The following DCC variants were observed in gnomAD, a reference collection of about 807,000 sequenced individuals.
DCC encodes netrin receptor DCC.
DCC carries 58 observed loss-of-function variants against 172.5 expected under a neutral mutation model. That is an observed-to-expected ratio of 0.34 (90% CI 0.27 to 0.42). DCC has a LOEUF of 0.42. DCC is among the 10% of genes least tolerant of loss of function. The pLI is 1.00. For synonymous variants in DCC, 709 were observed against 644.5 expected, an observed-to-expected ratio of 1.10 and a Z score of -1.52; for missense variants, 1,740 against 1,791.0, an observed-to-expected ratio of 0.97 and a Z score of 0.51.
chr18:52,353,370 C>T (rs1405915989), intron 1 of DCC, among the ~76,000 whole-genome samples: 2 of 152,096 alleles, frequency 1.3e-5, no homozygotes, highest in Admixed American at 6.5e-5. Context: ...TAAAAATGCT[C>T]AGACCCAGGG....
At chr18:52,855,395 G>A (rs1259698091) in intron 2 of DCC, among the ~76,000 whole-genome samples, 4 of 152,120 alleles carry the variant, frequency 2.6e-5, no homozygotes, top group African/African-American at 4.8e-5. Flanking sequence ...TAAACAAAAC[G>A]TCTTAGGTTT....
chr18:52,434,564 A>C (rs1393735381), intron 1 of DCC, among the ~76,000 whole-genome samples: 1 of 152,166 alleles, frequency 6.6e-6, no homozygotes, highest in East Asian at 1.9e-4. Context: ...TATTTTTGGT[A>C]ATTAAATTTG....
intron 5 of DCC, among the ~76,000 whole-genome samples, chr18:52,933,568 C>T (rs2040339137): frequency 1.3e-5 from 2 of 151,998 alleles, no homozygotes; most frequent in Non-Finnish European, 2.9e-5. Context: ...GAATCTGATG[C>T]TGGATGGGAG....
At chr18:53,277,269 A>G (rs2056816665) in intron 12 of DCC, among the ~76,000 whole-genome samples, 1 of 152,162 alleles carries the variant, frequency 6.6e-6, no homozygotes, top group African/African-American at 2.4e-5. Flanking sequence ...CAGGAGTTCA[A>G]GACCAACCTG....
At chr18:52,381,811 C>T in intron 1 of DCC, among the ~76,000 whole-genome samples, 1 of 152,112 alleles carries the variant, frequency 6.6e-6, no homozygotes, top group East Asian at 1.9e-4. Flanking sequence ...AATTATTGAT[C>T]CTACTCTCAT....
chr18:53,479,001 G>A (rs2045800898), intron 25 of DCC, among the ~76,000 whole-genome samples: 1 of 152,072 alleles, frequency 6.6e-6, no homozygotes, highest in African/African-American at 2.4e-5. Context: ...TCTGAGACTG[G>A]GCATTTATTC....
intron 2 of DCC, among the ~76,000 whole-genome samples, chr18:52,900,366 A>G (rs2039793271): frequency 6.6e-6 from 1 of 152,214 alleles, no homozygotes. Flanking sequence ...TTAGTGTTAC[A>G]GAACAATGGA....
Position 52,505,914 on chromosome 18 carries a change from T to TA in DCC, c.91+165042dup, listed in dbSNP as rs917358851. Among the ~76,000 whole-genome samples the TA allele has an allele frequency of 3.9e-5, 6 of 152,294 alleles. No homozygotes were observed. In the East Asian group the frequency reaches 9.6e-4, roughly 24 times the overall value. On this transcript the variant is annotated intron_variant, in intron 1 of 28. Coordinates refer to ENST00000442544, the MANE Select transcript of DCC (RefSeq NM_005215.4). ...ACTTGTTAGTGCATATCAGTTGTGC[T>TA]AAAAAAGGTCGTTTATAAAAATCTG...
intron 1 of DCC, among the ~76,000 whole-genome samples, chr18:52,431,989 C>T (rs1244354525): frequency 6.6e-6 from 1 of 152,144 alleles, no homozygotes. Context: ...TCGGAAATGT[C>T]AGAACTCCCT....
intron 15 of DCC, among the ~76,000 whole-genome samples, chr18:53,348,201 G>A (rs182649479): frequency 2.0e-5 from 3 of 152,214 alleles, no homozygotes; most frequent in Admixed American, 6.5e-5. Context: ...ACAATGCAGG[G>A]ACAGACATCG....
chr18:52,395,559 T>A (rs1486215247), intron 1 of DCC, among the ~76,000 whole-genome samples: 5 of 152,020 alleles, frequency 3.3e-5, no homozygotes, highest in African/African-American at 1.2e-4. Flanking sequence ...AGGAGAAGAT[T>A]TATCAGTTGG....
intron 1 of DCC, among the ~76,000 whole-genome samples, chr18:52,497,392 T>TATACATATGTGTATATATGTATACAC (rs1345529381): frequency 6.8e-6 from 1 of 147,822 alleles, no homozygotes; most frequent in Non-Finnish European, 1.5e-5. Flanking sequence ...TATACACACA[T>TATACATATGTGTATATATGTATACAC]ATACATATGT....
intron 21 of DCC, among the ~76,000 whole-genome samples, chr18:53,430,682 G>A (rs1911556250): frequency 6.6e-6 from 1 of 152,016 alleles, no homozygotes; most frequent in African/African-American, 2.4e-5. Flanking sequence ...ATAATAAATT[G>A]CATAATAGTA....
At chr18:52,436,521 A>G (rs1185952180) in intron 1 of DCC, among the ~76,000 whole-genome samples, 1 of 152,214 alleles carries the variant, frequency 6.6e-6, no homozygotes, top group African/African-American at 2.4e-5. Flanking sequence ...TCTCGGACCT[A>G]CCAACTTACC....
At chr18:52,525,663 G>A (rs759300037) in intron 1 of DCC, among the ~76,000 whole-genome samples, 6 of 152,170 alleles carry the variant, frequency 3.9e-5, no homozygotes, top group Non-Finnish European at 8.8e-5. Context: ...TTTAAATATG[G>A]TTGATTAAAA....
intron 24 of DCC, among the ~76,000 whole-genome samples, chr18:53,466,834 G>T (rs544987894): frequency 1.3e-5 from 2 of 152,124 alleles, no homozygotes; most frequent in Non-Finnish European, 2.9e-5. Context: ...CCAGGTTTGC[G>T]TAGTTTACTG....
intron 9 of DCC, among the ~76,000 whole-genome samples, chr18:53,183,021 G>T (rs377638040): frequency 4.6e-5 from 7 of 152,044 alleles, no homozygotes; most frequent in Non-Finnish European, 8.8e-5. Context: ...GTATGCATTT[G>T]GTTGCTGCTT....
chr18:52,432,421 A>T (rs566647593), intron 1 of DCC, among the ~76,000 whole-genome samples: 1 of 152,216 alleles, frequency 6.6e-6, no homozygotes, highest in Non-Finnish European at 1.5e-5. Context: ...TTCAAGAGGG[A>T]CCAAATAAAG....
intron 27 of DCC, among the ~76,000 whole-genome samples, chr18:53,519,532 T>G (rs1287650008): frequency 6.6e-6 from 1 of 151,964 alleles, no homozygotes; most frequent in Non-Finnish European, 1.5e-5. Flanking sequence ...TGAAGTGTTT[T>G]TTTTTTTTTT....
Sources: allele counts gnomAD v4.1 joint callset (sites outside exome capture counted in the v4.1 genomes callset), GRCh38; gene constraint gnomAD v4.1.1; transcripts MANE v1.5; gene names NCBI Gene and HGNC (gene_info 2026-07-23, HGNC 2026-07-21).